AKAP6: variants seen among roughly 807,000 people sequenced by gnomAD.
AKAP6 encodes the protein A-kinase anchor protein 6.
AKAP6 carries 58 observed loss-of-function variants against 188.5 expected under a neutral mutation model. The observed-to-expected ratio is 0.31, with a 90% CI of 0.25 to 0.38. The LOEUF is 0.38. Ranked by LOEUF, AKAP6 falls within the 10% of genes least tolerant of loss-of-function variation. The pLI, the probability that AKAP6 is intolerant of heterozygous loss-of-function variation, is 1.00. For missense variants in AKAP6, 2,710 were observed against 2,740.0 expected, an observed-to-expected ratio of 0.99 and a Z score of 0.24; for synonymous variants, 989 against 998.6, an observed-to-expected ratio of 0.99 and a Z score of 0.18.
chr14:32,354,049 A>G (rs1370600723), intron 1 of AKAP6, among the ~76,000 whole-genome samples: 1 of 152,142 alleles, frequency 6.6e-6, no homozygotes. Context: ...TAATTTATAG[A>G]TTCAATGCCA....
intron 7 of AKAP6, among the ~76,000 whole-genome samples, chr14:32,666,618 T>G (rs191151585): frequency 6.6e-6 from 1 of 152,098 alleles, no homozygotes; most frequent in African/African-American, 2.4e-5. Context: ...GGTATATCAT[T>G]CTTGAGAAAG....
rs1179141317 is a variant in AKAP6 at position 32,824,764 on chromosome 14, G to A, written c.6951G>A (p.Met2317Ile). The A allele has an allele frequency of 1.9e-6, 3 of 1,611,316 alleles. No homozygotes were observed. The highest frequency in any genetic ancestry group is 2.2e-5 in the East Asian group (1 of 44,854). ...TTCATGAAAAACGACATAGAAATAT[G>A]CATAGGTAGAATGTACCCCCTCCCC... ...LNLHEKRHRN[M>I]HR Residue 2317 changes from methionine to isoleucine, a missense_variant, in exon 13 of 14, where the codon ATG (methionine) becomes ATA (isoleucine). Coordinates refer to ENST00000280979, the MANE Select transcript of AKAP6 (RefSeq NM_004274.5).
At chr14:32,387,467 A>G (rs1249910419) in intron 1 of AKAP6, among the ~76,000 whole-genome samples, 1 of 147,560 alleles carries the variant, frequency 6.8e-6, no homozygotes, top group Admixed American at 6.8e-5. Flanking sequence ...TATATTTATC[A>G]TTTTTTATTT....
intron 7 of AKAP6, among the ~76,000 whole-genome samples, chr14:32,637,461 A>C (rs570920560): frequency 6.6e-6 from 1 of 152,252 alleles, no homozygotes; most frequent in East Asian, 1.9e-4. Context: ...AAGGAGGAAA[A>C]TAATATCATA....
Position 32,475,058 on chromosome 14 carries a change from C to G in AKAP6, c.324+41241C>G, listed in dbSNP as rs1459999645. On this transcript the variant is annotated intron_variant, in intron 2 of 13. Coordinates refer to ENST00000280979, the MANE Select transcript of AKAP6 (RefSeq NM_004274.5). Reference sequence around the variant, plus strand: ...TACAGCCTGATGAACATTCCTTATACAAAGGAATGTACATCTCAGTGTAGT... The same window carrying G: ...TACAGCCTGATGAACATTCCTTATAGAAAGGAATGTACATCTCAGTGTAGT... Among the ~76,000 whole-genome samples, 3 of 152,170 alleles carry G rather than the reference C, an allele frequency of 2.0e-5. No individual in the cohort carries two copies. The East Asian group carries it at 5.8e-4, about 29-fold the overall frequency.
intron 2 of AKAP6, chr14:32,434,021 A>G: frequency 1.8e-6 from 1 of 565,022 alleles, no homozygotes; most frequent in Non-Finnish European, 3.1e-6. Flanking sequence ...CTAGAATACA[A>G]CTGGCCTTTG....
rs17099216 is a variant in AKAP6 at position 32,514,488 on chromosome 14, A to G, written c.325-21066A>G. ...GCCAAAGGTCATACAATGAGTCAGC[A>G]ATGAAATCCCAAATAGAACTTTGAT... On this transcript the variant is annotated intron_variant, in intron 2 of 13. Coordinates refer to ENST00000280979, the MANE Select transcript of AKAP6 (RefSeq NM_004274.5). Among the ~76,000 whole-genome samples the G allele has an allele frequency of 9.6e-3, 1,469 of 152,328 alleles. 22 individuals are homozygous for G. Among genetic ancestry groups the G allele is most frequent in the African/African-American group, 0.033 (1,385 of 41,572 alleles).
chr14:32,401,717 C>T (rs1889096787), intron 1 of AKAP6, among the ~76,000 whole-genome samples: 1 of 152,172 alleles, frequency 6.6e-6, no homozygotes, highest in African/African-American at 2.4e-5. Flanking sequence ...TCTGTCTCTC[C>T]TTAGACTTTA....
chr14:32,745,461 TTCTCTCTCTCTC>T (rs71115094), intron 11 of AKAP6, among the ~76,000 whole-genome samples: 39 of 141,438 alleles, frequency 2.8e-4, no homozygotes, highest in African/African-American at 4.4e-4. Context: ...TATTTATTCA[TTCTCTCTCTCTC>T]TCTCTCTCTC....
intron 1 of AKAP6, among the ~76,000 whole-genome samples, chr14:32,430,604 C>G (rs1187244127): frequency 6.6e-6 from 1 of 152,092 alleles, no homozygotes; most frequent in South Asian, 2.1e-4. Flanking sequence ...GTATGCTGCC[C>G]TGGCTCAGCA....
chr14:32,605,700 T>A (rs1886101355), intron 7 of AKAP6, among the ~76,000 whole-genome samples: 1 of 152,182 alleles, frequency 6.6e-6, no homozygotes, highest in Non-Finnish European at 1.5e-5. Flanking sequence ...GTCAGTCCTC[T>A]TTCCATGACG....
intron 7 of AKAP6, among the ~76,000 whole-genome samples, chr14:32,618,807 C>T (rs1886694910): frequency 6.6e-6 from 1 of 152,134 alleles, no homozygotes; most frequent in South Asian, 2.1e-4. Flanking sequence ...AATTACATTC[C>T]CACCAGCAGT....
intron 8 of AKAP6, among the ~76,000 whole-genome samples, chr14:32,684,496 T>G (rs1246907032): frequency 6.6e-6 from 1 of 152,180 alleles, no homozygotes; most frequent in Non-Finnish European, 1.5e-5. Context: ...AGATATAAGA[T>G]TGCATTGAGT....
intron 11 of AKAP6, among the ~76,000 whole-genome samples, chr14:32,746,485 C>T (rs957142265): frequency 7.2e-5 from 11 of 152,066 alleles, no homozygotes; most frequent in East Asian, 3.9e-4. Flanking sequence ...GGTCCTGGAA[C>T]GGGGGCCTTA....
chr14:32,359,705 C>T (rs1406447502), intron 1 of AKAP6, among the ~76,000 whole-genome samples: 1 of 152,058 alleles, frequency 6.6e-6, no homozygotes, highest in African/African-American at 2.4e-5. Flanking sequence ...ATGACCTTCA[C>T]ACTTTTGAAG....
Position 32,545,278 on chromosome 14 carries a change from A to T in AKAP6, c.625A>T (p.Ile209Phe). ...TEVDDSGQLT[I>F]KCSQNYLSLD... ...AGTGGATGACTCAGGACAATTAACC[A>T]TCAAATGTTCTCAAAATTACTTGTC... Residue 209 changes from isoleucine (I) to phenylalanine (F), a missense_variant, in exon 4 of 14, where the codon ATC becomes TTC. Ile to Phe is a conservative substitution (Grantham distance 21). Transcript: ENST00000280979. The T allele has an allele frequency of 6.2e-7, 1 of 1,614,162 alleles. No homozygotes were observed. The highest frequency in any genetic ancestry group is 8.5e-7 in the Non-Finnish European group (1 of 1,180,006).
chr14:32,479,545 C>T (rs1320714855), intron 2 of AKAP6, among the ~76,000 whole-genome samples: 4 of 151,842 alleles, frequency 2.6e-5, no homozygotes, highest in Non-Finnish European at 4.4e-5. Context: ...TATAGATGGG[C>T]CTATATATTT....
intron 12 of AKAP6, among the ~76,000 whole-genome samples, chr14:32,805,875 G>T (rs2034075805): frequency 6.6e-6 from 1 of 152,124 alleles, no homozygotes; most frequent in African/African-American, 2.4e-5. Flanking sequence ...TACCAATATT[G>T]AAAAAGCTAA....
At chr14:32,685,099 A>AC (rs5807675) in intron 8 of AKAP6, among the ~76,000 whole-genome samples, 95,264 of 151,376 alleles carry the variant, frequency 0.63, 31,413 homozygotes, top group East Asian at 0.85. Flanking sequence ...TACCAAACCT[A>AC]CAAAAAATTT....
Sources: gnomAD v4.1 joint callset for allele counts (sites outside exome capture counted in the v4.1 genomes callset) on GRCh38, gnomAD v4.1.1 for gene constraint, MANE v1.5 for transcripts, NCBI Gene and HGNC (gene_info 2026-07-23, HGNC 2026-07-21) for gene names.